The following TEP1 variants were observed in gnomAD, a reference collection of about 807,000 sequenced individuals.
TEP1 encodes the protein telomerase associated protein 1.
In TEP1, 241 loss-of-function variants were observed where a neutral mutation model predicts 306.3. The observed-to-expected ratio is 0.79, with a 90% CI of 0.71 to 0.88. The LOEUF is 0.88. TEP1 is among the 40% of genes least tolerant of loss of function. TEP1 has a pLI of 0.00. For synonymous variants in TEP1, 1,289 were observed against 1,305.5 expected, an observed-to-expected ratio of 0.99 and a Z score of 0.27; for missense variants, 3,051 against 3,276.1, an observed-to-expected ratio of 0.93 and a Z score of 1.68.
Position 20,388,077 on chromosome 14 carries a change from C to G in TEP1, c.2526-14G>C, listed in dbSNP as rs748496660. The G allele has an allele frequency of 2.5e-6, 4 of 1,613,682 alleles. No individual in the cohort carries two copies. The South Asian group carries it at 4.4e-5, about 18-fold the overall frequency. Reference sequence around the variant, plus strand: ...TCTGCAATGAACCTGACATAAATAACAAGATAAATGAGAGTAGAATACCAC... The same window carrying G: ...TCTGCAATGAACCTGACATAAATAAGAAGATAAATGAGAGTAGAATACCAC... On this transcript the variant is annotated splice_polypyrimidine_tract_variant and intron_variant, in intron 17 of 54. Coordinates refer to ENST00000262715, the MANE Select transcript of TEP1 (RefSeq NM_007110.5).
intron 15 of TEP1, 107 bp downstream of exon 15, chr14:20,390,574 A>T (rs1877617761): frequency 2.9e-6 from 3 of 1,037,630 alleles, no homozygotes; most frequent in South Asian, 2.7e-5. Flanking sequence ...TGATCTGACT[A>T]TTGTATGTGG....
In TEP1 at chr14:20,374,413, T is replaced by C; in HGVS notation, c.6471+16A>G. 6.2e-7 allele frequency: 1 copy of C among 1,602,004 alleles called. No individual in the cohort carries two copies. Among genetic ancestry groups the C allele is most frequent in the Non-Finnish European group, 8.5e-7 (1 of 1,172,130 alleles). On this transcript the variant is annotated intron_variant, in intron 44 of 54. Transcript: ENST00000262715. ...CTTCCAGAGACCCCCCAGTGGGATC[T>C]CCATTGCTTTCTCACCACAGCTGCC...
Position 20,401,551 on chromosome 14 carries a change from T to C in TEP1, c.1297A>G (p.Lys433Glu), listed in dbSNP as rs548127427. ...FEKAGDTVSE[K>E]KNPPRFTLKK... Reference sequence around the variant, plus strand: ...AGGGTGAACCTTGGAGGATTCTTTTTCTCTGACACTGTATCACCGGCCTTC... The same window carrying C: ...AGGGTGAACCTTGGAGGATTCTTTTCCTCTGACACTGTATCACCGGCCTTC... Residue 433 changes from lysine (K) to glutamate (E), a missense_variant, in exon 8 of 55, where the codon AAA becomes GAA. Lys to Glu is a moderately conservative substitution (Grantham distance 56, BLOSUM62 1). Coordinates refer to ENST00000262715, the MANE Select transcript of TEP1 (RefSeq NM_007110.5). The C allele has an allele frequency of 6.2e-6, 10 of 1,614,228 alleles. No individual in the cohort carries two copies. In the African/African-American group the frequency reaches 1.3e-4, roughly 22 times the overall value.
intron 17 of TEP1, 87 bp from the exon 18 acceptor site, chr14:20,388,150 A>T: frequency 6.7e-7 from 1 of 1,482,614 alleles, no homozygotes; most frequent in Non-Finnish European, 9.2e-7. Flanking sequence ...GGAAAAAGAT[A>T]TGTCCAGGTT....
At chr14:20,396,833 C>A in intron 9 of TEP1, 103 bp from the exon 10 acceptor site, 1 of 727,408 alleles carries the variant, frequency 1.4e-6, no homozygotes, top group Non-Finnish European at 2.2e-6. Context: ...ACAGAAGGAT[C>A]ACTTGAGCCC....
intron 7 of TEP1, 132 bp from the exon 8 acceptor site, chr14:20,401,713 G>A: frequency 1.5e-6 from 2 of 1,362,070 alleles, no homozygotes; most frequent in South Asian, 1.4e-5. Flanking sequence ...ATTTGGCCAA[G>A]GAGCAGGAAT....
chr14:20,383,106 G>A (rs1876738699), intron 27 of TEP1, 68 bp downstream of exon 27: 16 of 1,501,314 alleles, frequency 1.1e-5, no homozygotes, highest in Middle Eastern at 2.0e-4. Flanking sequence ...TAGCGGCCTC[G>A]GCACCCCAGG....
At chr14:20,408,522 G>C (rs1210908370) in intron 1 of TEP1, 59 bp from the exon 2 acceptor site, 38 of 1,342,810 alleles carry the variant, frequency 2.8e-5, no homozygotes, top group Non-Finnish European at 3.8e-5. Context: ...GTATTTGCAT[G>C]AGAGCATATC....
chr14:20,406,136 T>C (rs1879156306), intron 3 of TEP1, 97 bp downstream of exon 3: 5 of 1,206,562 alleles, frequency 4.1e-6, no homozygotes, highest in Admixed American at 2.0e-5. Context: ...ATCCCTACCT[T>C]CCCCTTCCAA....
Position 20,368,394 on chromosome 14 carries a change from AT to A in TEP1, c.*42del. The A allele has an allele frequency of 6.3e-7, 1 of 1,594,516 alleles. No homozygotes were observed. Among genetic ancestry groups the A allele is most frequent in the Non-Finnish European group, 8.6e-7 (1 of 1,164,480 alleles). On this transcript the variant is annotated 3_prime_UTR_variant, in exon 55 of 55. Coordinates refer to ENST00000262715, the MANE Select transcript of TEP1 (RefSeq NM_007110.5). Reference sequence around the variant, plus strand: ...AGCTACCAGTGTCTTCAGGCTTTGCATCTCTAGCACAAGGGGTATCATTATT... The same window carrying A: ...AGCTACCAGTGTCTTCAGGCTTTGCACTCTAGCACAAGGGGTATCATTATT...
At chr14:20,393,770 G>T (rs1216206232) in intron 12 of TEP1, among the ~76,000 whole-genome samples, 2 of 150,506 alleles carry the variant, frequency 1.3e-5, no homozygotes, top group Non-Finnish European at 3.0e-5. Flanking sequence ...TGACGAAGTG[G>T]GACTTTGTCT....
At chr14:20,391,560 C>T in intron 13 of TEP1, 39 bp downstream of exon 13, 1 of 1,587,594 alleles carries the variant, frequency 6.3e-7, no homozygotes, top group South Asian at 1.1e-5. Context: ...CAGCATTCTA[C>T]CAACCCAACC....
chr14:20,397,935 T>C (rs1044152221), intron 9 of TEP1, among the ~76,000 whole-genome samples: 4 of 151,936 alleles, frequency 2.6e-5, no homozygotes, highest in Non-Finnish European at 5.9e-5. Context: ...GTATTTTTAG[T>C]AGAGACGGGG....
At chr14:20,390,647 G>A in intron 15 of TEP1, 34 bp downstream of exon 15, 1 of 1,595,954 alleles carries the variant, frequency 6.3e-7, no homozygotes. Context: ...AAAATGTGGG[G>A]GAGGGAGAGG....
At position 20,383,234 on chromosome 14, in the gene TEP1, C is replaced by G; in HGVS notation, c.3987G>C (p.Leu1329=). The G allele has an allele frequency of 4.3e-6, 7 of 1,614,018 alleles. No homozygotes were observed. Among genetic ancestry groups the G allele is most frequent in the Non-Finnish European group, 5.9e-6 (7 of 1,179,980 alleles). Residue 1329 remains leucine, a synonymous_variant, in exon 27 of 55, where the codon CTG becomes CTC. Transcript: ENST00000262715. ...GPLEASARAR[L]VREELALYGK... ...CGTACAGGGCCAGCTCCTCTCTCAC[C>G]AGCCGGGCCCGAGCAGAGGCCTCCA...
At position 20,380,331 on chromosome 14, in the gene TEP1, G is replaced by C. The variant is rs1467681865; in HGVS notation, c.4907C>G (p.Pro1636Arg). 2 of 1,614,098 alleles carry C rather than the reference G, an allele frequency of 1.2e-6. No individual in the cohort carries two copies. The highest frequency in any genetic ancestry group is 4.5e-5 in the East Asian group (2 of 44,890). ...GAGCAGCGAGGCTTGGTGGCAAAGA[G>C]GTGAGTCCAGGGGCTGGTTGGCTGC... ...QQAANQPLDS[P>R]LCHQASLLSR... The change falls in exon 34 of 55, where the codon CCT becomes CGT. Residue 1636 changes from proline (P) to arginine (R), a missense_variant. Transcript: ENST00000262715.
At chr14:20,377,806 T>A in intron 39 of TEP1, 53 bp from the exon 40 acceptor site, 1 of 1,600,834 alleles carries the variant, frequency 6.2e-7, no homozygotes, top group South Asian at 1.1e-5. Context: ...GCGGTCCTCC[T>A]TCCTGTTTTG....
Position 20,387,033 on chromosome 14 carries a change from C to G in TEP1, c.2685-410G>C, listed in dbSNP as rs952754397. ...CACTGCAACCTCTGCCTCCAGGGTT[C>G]AAGCAATTCTCCCACCTCAGCCTCC... On this transcript the variant is annotated intron_variant, in intron 18 of 54. Transcript: ENST00000262715. Among the ~76,000 whole-genome samples, 7 of 151,410 alleles carry G rather than the reference C, an allele frequency of 4.6e-5. No individual in the cohort carries two copies. In the East Asian group the frequency reaches 1.4e-3, roughly 30 times the overall value.
chr14:20,405,718 C>T (rs1314540308), intron 3 of TEP1, 133 bp from the exon 4 acceptor site: 6 of 1,106,622 alleles, frequency 5.4e-6, no homozygotes, highest in Non-Finnish European at 6.3e-6. Flanking sequence ...TGAGAACTTA[C>T]AAAAGGGGAT....
Sources: allele counts gnomAD v4.1 joint callset (sites outside exome capture counted in the v4.1 genomes callset), GRCh38; gene constraint gnomAD v4.1.1; transcripts MANE v1.5; gene names NCBI Gene and HGNC (gene_info 2026-07-23, HGNC 2026-07-21).